The following DHRSX variants were observed in gnomAD, a reference collection of about 807,000 sequenced individuals.
The protein encoded by DHRSX is dehydrogenase/reductase X-linked, also known as polyprenol dehydrogenase.
In DHRSX, 31 loss-of-function variants were observed where a neutral mutation model predicts 34.0. The observed-to-expected ratio is 0.91, with a 90% CI of 0.69 to 1.23. DHRSX has a LOEUF of 1.23. DHRSX is among the 50% of genes most tolerant of loss of function. The pLI is 0.00. For synonymous variants in DHRSX, 201 were observed against 183.8 expected (o/e 1.09, Z -0.76); for missense variants, 414 against 428.1 (o/e 0.97, Z 0.29).
chrX:2,221,196 C>T lies in DHRSX; in HGVS notation c.838G>A (p.Ala280Thr), dbSNP rs188133357. The change falls in exon 7 of 7, where the codon GCA (alanine) becomes ACA (threonine). Residue 280 changes from alanine (A) to threonine (T), a missense_variant. Ala to Thr is a moderately conservative substitution (Grantham distance 58). Coordinates refer to ENST00000334651, the MANE Select transcript of DHRSX (RefSeq NM_145177.3). Reference protein sequence around the residue: ...PDEGAWTSIYAAVTPELEGVG... With the variant: ...PDEGAWTSIYTAVTPELEGVG... ...CCTTCCAGCTCTGGGGTGACTGCTGCGTAGATGGAAGTCCACGCTCCTTCA... is the reference window on the plus strand; with the variant it reads ...CCTTCCAGCTCTGGGGTGACTGCTGTGTAGATGGAAGTCCACGCTCCTTCA... 4.5e-5 allele frequency: 72 copies of T among 1,613,710 alleles called. No individual in the cohort carries two copies. The highest frequency in any genetic ancestry group is 1.7e-5 in the Admixed American group (1 of 59,978).
Position 2,500,830 on chromosome X carries a change from G to A in DHRSX, c.96C>T (p.Gly32=), listed in dbSNP as rs1025706843. Residue 32 remains glycine (G), a synonymous_variant, in exon 1 of 7, where the codon GGC becomes GGT. Transcript: ENST00000334651. ...LAQLLRRCRG[G]FLEPVFPPRP... ...CGCCCCGCTGACCTGGCTCCAGGAAGCCCCCGCGGCAGCGCCGCAGCAGCT... is the reference window on the plus strand; with the variant it reads ...CGCCCCGCTGACCTGGCTCCAGGAAACCCCCGCGGCAGCGCCGCAGCAGCT... The A allele has an allele frequency of 1.7e-4, 194 of 1,129,494 alleles. No individual in the cohort carries two copies. In the African/African-American group the frequency reaches 3.2e-3, roughly 18 times the overall value. 70.0% of individuals were successfully genotyped at this position (1,129,494 alleles called of 1,614,324 possible).
At chrX:2,484,158 A>G (rs1176386626) in intron 1 of DHRSX, among the ~76,000 whole-genome samples, 1 of 151,946 alleles carries the variant, frequency 6.6e-6, no homozygotes, top group Non-Finnish European at 1.5e-5. Context: ...TTTTTAGTAG[A>G]GATGGGGTTT....
chrX:2,438,085 G>A (rs759383871), intron 1 of DHRSX, among the ~76,000 whole-genome samples: 1 of 151,464 alleles, frequency 6.6e-6, no homozygotes, highest in African/African-American at 2.4e-5. Context: ...GCCGAGGCAG[G>A]AGAATCGCTT....
At chrX:2,293,912 A>G (rs1413326383) in intron 3 of DHRSX, among the ~76,000 whole-genome samples, 9 of 152,114 alleles carry the variant, frequency 5.9e-5, no homozygotes, top group Admixed American at 5.9e-4. Flanking sequence ...TTGCTTAATA[A>G]GCTCTATGAG....
rs193222847 is a variant in DHRSX, at chrX:2,234,366, C to T, written c.804+8657G>A. Among the ~76,000 whole-genome samples the T allele has an allele frequency of 2.7e-3, 409 of 152,054 alleles. 5 individuals carry two copies. The highest frequency in any genetic ancestry group is 9.1e-3 in the African/African-American group (378 of 41,482). ...CCATGCACATGCATTCAATATTTCC[C>T]TCCCTGCCTTCATCCATGCACACAG... On this transcript the variant is annotated intron_variant, in intron 6 of 6. Transcript: ENST00000334651.
At chrX:2,249,512 C>CTTTTT (rs1265114813) in intron 5 of DHRSX, among the ~76,000 whole-genome samples, 1 of 116,830 alleles carries the variant, frequency 8.6e-6, no homozygotes, top group African/African-American at 3.5e-5. Context: ...CCTTTTTGTG[C>CTTTTT]CTTTTTTTTT....
chrX:2,255,880 C>T (rs1244705931), intron 5 of DHRSX, among the ~76,000 whole-genome samples: 1 of 152,044 alleles, frequency 6.6e-6, no homozygotes, highest in East Asian at 1.9e-4. Flanking sequence ...CGCCACTGCA[C>T]TCCAGCCTCG....
In DHRSX at chrX:2,425,239, T is replaced by C. The variant is rs761161193; in HGVS notation, c.175A>G (p.Thr59Ala). The change falls in exon 2 of 7, where the codon ACA becomes GCA. Residue 59 changes from threonine to alanine, a missense_variant. Coordinates refer to ENST00000334651, the MANE Select transcript of DHRSX (RefSeq NM_145177.3). ...TGGTDGIGYS[T>A]AKHLARLGMH... is the part of the protein sequence containing the mutation. ...CCAAGTCTCGCCAGATGCTTCGCTGTAGAATAGCCAATGCCATCTGTCCCT... is the reference window on the plus strand; with the variant it reads ...CCAAGTCTCGCCAGATGCTTCGCTGCAGAATAGCCAATGCCATCTGTCCCT... 8.4e-5 allele frequency: 136 copies of C among 1,613,776 alleles called. No individual in the cohort carries two copies. Among genetic ancestry groups the C allele is most frequent in the Non-Finnish European group, 1.1e-4 (134 of 1,179,880 alleles).
At chrX:2,473,052 T>C (rs1402910695) in intron 1 of DHRSX, among the ~76,000 whole-genome samples, 3 of 152,086 alleles carry the variant, frequency 2.0e-5, no homozygotes, top group African/African-American at 7.2e-5. Flanking sequence ...CAAAGCTCCA[T>C]GGCACCTAGC....
intron 2 of DHRSX, among the ~76,000 whole-genome samples, chrX:2,424,312 A>G (rs186825375): frequency 6.6e-6 from 1 of 151,746 alleles, no homozygotes; most frequent in Admixed American, 6.6e-5. Context: ...TAATTCTGTT[A>G]TAGCGCCTGA....
intron 1 of DHRSX, among the ~76,000 whole-genome samples, chrX:2,432,125 T>C (rs751465479): frequency 5.0e-4 from 75 of 151,262 alleles, no homozygotes; most frequent in East Asian, 4.7e-3. Context: ...ACCCGGGAGG[T>C]GGAGCTTGCA....
chrX:2,268,164 C>T (rs1323044786), intron 4 of DHRSX, among the ~76,000 whole-genome samples: 1 of 152,180 alleles, frequency 6.6e-6, no homozygotes, highest in African/African-American at 2.4e-5. Context: ...AGACACAGAA[C>T]AGCCCACCCC....
chrX:2,277,395 G>A lies in DHRSX; in HGVS notation c.389-10448C>T, dbSNP rs746547752. 7.7e-4 allele frequency among the ~76,000 whole-genome samples: 41 copies of A among 53,106 alleles called. 10 individuals are homozygous for A. In the East Asian group the frequency reaches 0.018, roughly 23 times the overall value. The allele number at this position is 53,106 out of a possible 152,430, so 34.8% of individuals were successfully genotyped here. On this transcript the variant is annotated intron_variant, in intron 4 of 6. Coordinates refer to ENST00000334651, the MANE Select transcript of DHRSX (RefSeq NM_145177.3). ...GGAGAGAGAGGGAGGGCAAACGAGA[G>A]GGAGAGAGAAGGAGGGGAGGAAATA...
intron 1 of DHRSX, among the ~76,000 whole-genome samples, chrX:2,435,700 G>A (rs2043982956): frequency 6.6e-6 from 1 of 152,180 alleles, no homozygotes; most frequent in African/African-American, 2.4e-5. Flanking sequence ...AGGACTTGAA[G>A]GCTGCAGTGA....
intron 1 of DHRSX, among the ~76,000 whole-genome samples, chrX:2,497,106 G>A (rs4892933): frequency 0.63 from 95,907 of 151,910 alleles, 30,470 homozygotes; most frequent in South Asian, 0.73. Flanking sequence ...TATGATCAAG[G>A]AATTGGAGGC....
chrX:2,348,451 G>T (rs190694367), intron 3 of DHRSX, among the ~76,000 whole-genome samples: 1 of 152,110 alleles, frequency 6.6e-6, no homozygotes, highest in Non-Finnish European at 1.5e-5. Flanking sequence ...CGCTCCTATT[G>T]TCTGGATGTG....
At chrX:2,397,335 C>T (rs1247394045) in intron 3 of DHRSX, among the ~76,000 whole-genome samples, 2 of 152,042 alleles carry the variant, frequency 1.3e-5, no homozygotes, top group Non-Finnish European at 1.5e-5. Flanking sequence ...AGTCTCTCTA[C>T]GCCACCCTGA....
intron 3 of DHRSX, among the ~76,000 whole-genome samples, chrX:2,348,180 C>T (rs1030664163): frequency 6.6e-6 from 1 of 152,074 alleles, no homozygotes; most frequent in South Asian, 2.1e-4. Flanking sequence ...AGAAGCAGCT[C>T]GGGTAAGAGA....
intron 1 of DHRSX, among the ~76,000 whole-genome samples, chrX:2,477,767 C>T (rs34728716): frequency 0.1 from 15,592 of 151,940 alleles, 1,095 homozygotes; most frequent in Admixed American, 0.16. Context: ...ATTGCTCGAA[C>T]CTGGGAGGCA....
Sources: allele counts gnomAD v4.1 joint callset (sites outside exome capture counted in the v4.1 genomes callset), GRCh38; gene constraint gnomAD v4.1.1; transcripts MANE v1.5; gene names NCBI Gene and HGNC (gene_info 2026-07-23, HGNC 2026-07-21).